Variants in NSUN6 observed in about 807,000 individuals in gnomAD.
NSUN6 encodes tRNA (cytosine(72)-C(5))-methyltransferase NSUN6.
NSUN6 carries 64 observed loss-of-function variants against 58.0 expected under a neutral mutation model. That is an observed-to-expected ratio of 1.10 (90% CI 0.90 to 1.36). NSUN6 has a LOEUF of 1.36. NSUN6 is among the 40% of genes most tolerant of loss of function. The pLI, the probability that NSUN6 is intolerant of heterozygous loss-of-function variation, is 0.00. For missense variants in NSUN6, 701 were observed against 550.1 expected, an observed-to-expected ratio of 1.27 and a Z score of -2.74; for synonymous variants, 231 against 193.9, an observed-to-expected ratio of 1.19 and a Z score of -1.59.
intron 8 of NSUN6, among the ~76,000 whole-genome samples, chr10:18,572,042 TTCCATTCCATTTCCCACTGAATTCCATTC>T (rs2056396510): frequency 6.6e-6 from 1 of 151,436 alleles, no homozygotes; most frequent in Admixed American, 6.6e-5. Flanking sequence ...CTGCATTCCT[TTCCATTCCATTTCCCACTGAATTCCATTC>T]TCCATTCCAT....
chr10:18,613,626 T>C (rs897238982), intron 5 of NSUN6, among the ~76,000 whole-genome samples: 5 of 152,214 alleles, frequency 3.3e-5, no homozygotes, highest in African/African-American at 1.2e-4. Context: ...TTTATATTCA[T>C]GAAGCCTTCT....
At chr10:18,624,533 G>A (rs7904949) in intron 3 of NSUN6, among the ~76,000 whole-genome samples, 31,805 of 150,094 alleles carry the variant, frequency 0.21, 3,660 homozygotes, top group South Asian at 0.32. Context: ...GCAGGTACCT[G>A]TAGCCTACTA....
At position 18,625,720 on chromosome 10, in the gene NSUN6, TAAAA is replaced by T. The variant is rs71402188; in HGVS notation, c.312-9431_312-9428del. On this transcript the variant is annotated intron_variant, in intron 3 of 10. Transcript: ENST00000377304. The stretch of plus-strand genomic sequence containing the variant: ...AGAGTGAGACTATGTGTTTTTTTTT[TAAAA>T]AAAAAAAAAAAAAAAAAAAAAAAAG... Among the ~76,000 whole-genome samples the T allele has an allele frequency of 9.9e-3, 531 of 53,850 alleles. 5 individuals carry two copies. Among genetic ancestry groups the T allele is most frequent in the South Asian group, 0.037 (41 of 1,114 alleles). 35.3% of individuals were successfully genotyped at this position (53,850 alleles called of 152,430 possible).
At chr10:18,651,767 T>C (rs947691841), upstream of NSUN6, 11 of 985,368 alleles carry the variant, frequency 1.1e-5, no homozygotes, top group African/African-American at 1.9e-4. Context: ...TGAGGCTCTT[T>C]CACCTGCCTC....
intron 8 of NSUN6, among the ~76,000 whole-genome samples, chr10:18,556,674 G>C (rs894057704): frequency 6.7e-6 from 1 of 148,514 alleles, no homozygotes; most frequent in African/African-American, 2.4e-5. Flanking sequence ...GAATAGAATG[G>C]GGAATTGAAA....
intron 8 of NSUN6, among the ~76,000 whole-genome samples, chr10:18,560,707 C>G (rs1217565948): frequency 1.6e-5 from 2 of 121,996 alleles, no homozygotes; most frequent in Admixed American, 8.3e-5. Context: ...GAATGGAATG[C>G]AATGAGGAAT....
chr10:18,656,876 G>A (rs1325159512), upstream of NSUN6, among the ~76,000 whole-genome samples: 1 of 135,024 alleles, frequency 7.4e-6, no homozygotes, highest in Non-Finnish European at 1.5e-5. Flanking sequence ...ACCCAGGCTG[G>A]AGTCCAGATG....
upstream of NSUN6, chr10:18,652,588 T>C (rs2059728451): frequency 5.6e-6 from 5 of 897,538 alleles, no homozygotes; most frequent in Non-Finnish European, 6.7e-6. Context: ...TTTTTTTTTT[T>C]GAGTCTCTGT....
chr10:18,652,181 G>T, upstream of NSUN6: 1 of 985,118 alleles, frequency 1.0e-6, no homozygotes, highest in Non-Finnish European at 1.2e-6. Context: ...TATCATAGTT[G>T]ACATATTCTT....
At chr10:18,557,164 A>G (rs2055091982) in intron 8 of NSUN6, among the ~76,000 whole-genome samples, 2 of 151,524 alleles carry the variant, frequency 1.3e-5, no homozygotes, top group African/African-American at 4.8e-5. Context: ...GCAGTGGTGA[A>G]TAGAATGGAA....
At chr10:18,636,391 T>G (rs530937852) in intron 3 of NSUN6, among the ~76,000 whole-genome samples, 5 of 147,736 alleles carry the variant, frequency 3.4e-5, no homozygotes, top group Non-Finnish European at 3.0e-5. Flanking sequence ...CCGGCCATGG[T>G]GGCTGGCACT....
At chr10:18,556,326 G>GA (rs2133460623) in intron 8 of NSUN6, among the ~76,000 whole-genome samples, 1 of 38,400 alleles carries the variant, frequency 2.6e-5, no homozygotes, top group Non-Finnish European at 6.0e-5. Context: ...AATGGAATGG[G>GA]GAATGTAATG....
At chr10:18,615,092 C>T (rs1474948446) in intron 4 of NSUN6, among the ~76,000 whole-genome samples, 1 of 143,332 alleles carries the variant, frequency 7.0e-6, no homozygotes, top group Non-Finnish European at 1.5e-5. Flanking sequence ...TAATGATAAG[C>T]ATATATAGTC....
Position 18,651,333 on chromosome 10 carries a change from T to A in NSUN6, c.-130A>T, listed in dbSNP as rs2059699771. 5.7e-6 allele frequency: 8 copies of A among 1,399,940 alleles called. No individual in the cohort carries two copies. The highest frequency in any genetic ancestry group is 3.5e-5 in the Admixed American group (1 of 28,752). The allele number at this position is 1,399,940 out of a possible 1,614,324, so 86.7% of individuals were successfully genotyped here. On this transcript the variant is annotated 5_prime_UTR_variant, in exon 1 of 11. Coordinates refer to ENST00000377304, the MANE Select transcript of NSUN6 (RefSeq NM_182543.5). Reference sequence around the variant, plus strand: ...CTGAGGAAAATCTTGCCGATCACGCTGAGTTAATTTCGGAAATGCAGAGGT... The same window carrying A: ...CTGAGGAAAATCTTGCCGATCACGCAGAGTTAATTTCGGAAATGCAGAGGT...
At chr10:18,601,462 A>G (rs746038789) in intron 6 of NSUN6, among the ~76,000 whole-genome samples, 1 of 152,084 alleles carries the variant, frequency 6.6e-6, no homozygotes, top group Non-Finnish European at 1.5e-5. Flanking sequence ...GTTTCAGTGT[A>G]TGTTCAGCTC....
chr10:18,571,719 TATTCCATTCCAC>T (rs1564739612), intron 8 of NSUN6, among the ~76,000 whole-genome samples: 3 of 149,802 alleles, frequency 2.0e-5, no homozygotes, highest in Non-Finnish European at 4.5e-5. Flanking sequence ...TTCCATTCTC[TATTCCATTCCAC>T]ATTCCATTCC....
upstream of NSUN6, chr10:18,658,655 T>G (rs992979090): frequency 1.0e-6 from 1 of 982,924 alleles, no homozygotes; most frequent in Non-Finnish European, 1.2e-6. Context: ...AACTGAACTC[T>G]GTGGCTCCAG....
At chr10:18,575,599 C>T (rs528189105) in intron 8 of NSUN6, among the ~76,000 whole-genome samples, 1 of 152,184 alleles carries the variant, frequency 6.6e-6, no homozygotes, top group Admixed American at 6.6e-5. Context: ...CTGGCACCAA[C>T]CCTCATCAGG....
chr10:18,629,661 C>T (rs993585739), intron 3 of NSUN6, among the ~76,000 whole-genome samples: 2 of 151,834 alleles, frequency 1.3e-5, no homozygotes, highest in Admixed American at 6.6e-5. Context: ...CAAAGAAGGT[C>T]ATTACATAAT....
Sources: gnomAD v4.1 joint callset for allele counts (sites outside exome capture counted in the v4.1 genomes callset) on GRCh38, gnomAD v4.1.1 for gene constraint, MANE v1.5 for transcripts, NCBI Gene and HGNC (gene_info 2026-07-23, HGNC 2026-07-21) for gene names.